HELZ: variants seen among roughly 807,000 people sequenced by gnomAD.
HELZ encodes the protein helicase with zinc finger, also known as ATP-dependent RNA helicase with zinc finger domain.
Under a neutral mutation model 218.2 loss-of-function variants are expected in HELZ, and 23 were observed. That is an observed-to-expected ratio of 0.11 (90% CI 0.08 to 0.15). The LOEUF (loss-of-function observed/expected upper bound fraction) is 0.15, where lower values mean the gene tolerates loss of function less well. HELZ is among the 10% of genes least tolerant of loss of function. The pLI is 1.00. For synonymous variants in HELZ, 814 were observed against 829.4 expected, an observed-to-expected ratio of 0.98 and a Z score of 0.32; for missense variants, 1,813 against 2,353.7, an observed-to-expected ratio of 0.77 and a Z score of 4.75.
intron 31 of HELZ, among the ~76,000 whole-genome samples, chr17:67,105,438 G>A (rs1390040767): frequency 2.0e-5 from 3 of 152,168 alleles, no homozygotes; most frequent in Non-Finnish European, 1.5e-5. Context: ...TAGATTAGTG[G>A]TTACTAATCT....
intron 6 of HELZ, among the ~76,000 whole-genome samples, chr17:67,202,944 T>C (rs902715904): frequency 6.6e-6 from 1 of 151,890 alleles, no homozygotes; most frequent in African/African-American, 2.4e-5. Flanking sequence ...GGCAACATAA[T>C]GAGACCTCGT....
At chr17:67,233,915 G>A (rs1429399243) in intron 3 of HELZ, among the ~76,000 whole-genome samples, 2 of 151,394 alleles carry the variant, frequency 1.3e-5, no homozygotes, top group African/African-American at 2.4e-5. Context: ...GTGTGGTGTC[G>A]GGCACCTGTA....
intron 3 of HELZ, among the ~76,000 whole-genome samples, chr17:67,226,164 G>A (rs1183150821): frequency 6.6e-6 from 1 of 151,350 alleles, no homozygotes; most frequent in South Asian, 2.1e-4. Context: ...GGAGGCTGAG[G>A]CAGGAGATCG....
chr17:67,084,524 G>C (rs527675444), intron 32 of HELZ, among the ~76,000 whole-genome samples: 1 of 151,996 alleles, frequency 6.6e-6, no homozygotes, highest in Non-Finnish European at 1.5e-5. Flanking sequence ...TTAGCCGGGC[G>C]TGGTGGCGGG....
At chr17:67,103,858 C>T (rs2037005745) in intron 31 of HELZ, among the ~76,000 whole-genome samples, 1 of 152,162 alleles carries the variant, frequency 6.6e-6, no homozygotes, top group Non-Finnish European at 1.5e-5. Context: ...TACAATACTA[C>T]AGTGTACAAT....
rs965177190 is a variant in HELZ, at chr17:67,071,907, G to A, written c.*6345C>T. ...TTTTCTGCCATATGTAACACTTCAG[G>A]CTCTCTCTAACACCTGCTGGCATGG... On this transcript the variant is annotated 3_prime_UTR_variant, in exon 33 of 33. Coordinates refer to ENST00000358691, the MANE Select transcript of HELZ (RefSeq NM_014877.4). The A allele has an allele frequency of 1.3e-5, 2 of 152,212 alleles. No homozygotes were observed. The highest frequency in any genetic ancestry group is 2.9e-5 in the Non-Finnish European group (2 of 67,994). 9.4% of individuals were successfully genotyped at this position (152,212 alleles called of 1,614,324 possible). A position where few individuals can be genotyped will look rare whatever the true frequency, so the allele number is the denominator to read the frequency against.
At position 67,107,665 on chromosome 17, in the gene HELZ, T is replaced by C; in HGVS notation, c.4745A>G (p.Glu1582Gly). 4 of 1,613,274 alleles carry C rather than the reference T, an allele frequency of 2.5e-6. No homozygotes were observed. The highest frequency in any genetic ancestry group is 3.4e-6 in the Non-Finnish European group (4 of 1,179,766). ...TYSRFQDLIR[E>G]LSHRDQSETR... ...TTCACTTTGATCACGATGAGACAGT[T>C]CTCTGATTAAGTCTTGAAACCTACA... is the stretch of plus-strand genomic sequence containing the variant. Residue 1582 changes from glutamate to glycine, a missense_variant, in exon 31 of 33, where the codon GAA becomes GGA. By Grantham distance (98) the Glu-to-Gly change is moderately conservative. Transcript: ENST00000358691.
rs2036411150 is a variant in HELZ at position 67,086,916 on chromosome 17, A to C, written c.5407T>G (p.Ser1803Ala). The stretch of plus-strand genomic sequence containing the variant: ...GTAGATGAGGTGGTGTTTACCCAGG[A>C]CTCCGGGGATGAAAAGTTGAAAGAA... ...QSSFNFSSPE[S>A]WVNTTSSTPY... Residue 1803 changes from serine to alanine, a missense_variant, in exon 32 of 33, where the codon TCC (serine) becomes GCC (alanine). Ser to Ala is a moderately conservative substitution (Grantham distance 99). Transcript: ENST00000358691. 6.2e-7 allele frequency: 1 copy of C among 1,612,748 alleles called. No individual in the cohort carries two copies. Among genetic ancestry groups the C allele is most frequent in the Non-Finnish European group, 8.5e-7 (1 of 1,179,684 alleles).
intron 7 of HELZ, among the ~76,000 whole-genome samples, 192 bp from the exon 8 acceptor site, chr17:67,195,662 G>A (rs2040003919): frequency 6.6e-6 from 1 of 151,760 alleles, no homozygotes; most frequent in African/African-American, 2.4e-5. Flanking sequence ...ACATATTTGT[G>A]AGGCTCTCAT....
In HELZ at chr17:67,070,904, G is replaced by A. The variant is rs2035870378; in HGVS notation, c.*7348C>T. ...CCCTCAGGAAGACTTCCCAAAATAA[G>A]ACTCAGTATGAATTTGCTAAGTAAC... On this transcript the variant is annotated 3_prime_UTR_variant, in exon 33 of 33. Transcript: ENST00000358691. 6.6e-6 allele frequency: 1 copy of A among 152,020 alleles called. No individual in the cohort carries two copies. The highest frequency in any genetic ancestry group is 2.4e-5 in the African/African-American group (1 of 41,382). The allele number at this position is 152,020 out of a possible 1,614,324, so 9.4% of individuals were successfully genotyped here.
intron 3 of HELZ, among the ~76,000 whole-genome samples, chr17:67,232,582 C>A (rs1420032387): frequency 6.6e-6 from 1 of 152,182 alleles, no homozygotes; most frequent in Non-Finnish European, 1.5e-5. Context: ...GGAATTAATT[C>A]TCTTTACTCT....
chr17:67,243,196 T>C (rs938862574), intron 2 of HELZ, among the ~76,000 whole-genome samples: 1 of 152,220 alleles, frequency 6.6e-6, no homozygotes, highest in Non-Finnish European at 1.5e-5. Context: ...GATCAGGACA[T>C]AATGACAAAC....
chr17:67,121,602 A>G (rs1483015483), intron 26 of HELZ, among the ~76,000 whole-genome samples: 1 of 152,244 alleles, frequency 6.6e-6, no homozygotes, highest in East Asian at 1.9e-4. Context: ...AACCTTTGGC[A>G]ATGATCATCT....
chr17:67,126,688 A>AACACACACACAC (rs10623703), intron 24 of HELZ, among the ~76,000 whole-genome samples: 1 of 149,854 alleles, frequency 6.7e-6, no homozygotes, highest in African/African-American at 2.5e-5. Flanking sequence ...GTCCTGCTAA[A>AACACACACACAC]ACACACACAC....
rs544117892 is a variant in HELZ at position 67,190,322 on chromosome 17, G to A, written c.591C>T (p.Ala197=). The A allele has an allele frequency of 1.9e-6, 3 of 1,613,550 alleles. No homozygotes were observed. The highest frequency in any genetic ancestry group is 3.3e-4 in the Middle Eastern group (2 of 6,062). The change falls in exon 10 of 33, where the codon GCC becomes GCT. Residue 197 remains alanine (A), a synonymous_variant. Coordinates refer to ENST00000358691, the MANE Select transcript of HELZ (RefSeq NM_014877.4). ...FLEQGICRYG[A]QCTSAHSQEE... is the part of the protein sequence containing the mutation. ...CCTGGGAATGTGCTGAAGTACACTG[G>A]GCACCATACCTACAGATTCCTTGTT...
chr17:67,134,579 C>T (rs916727239), intron 23 of HELZ, among the ~76,000 whole-genome samples: 1 of 151,836 alleles, frequency 6.6e-6, no homozygotes, highest in Non-Finnish European at 1.5e-5. Context: ...TACTTGATTC[C>T]TTTGATGATA....
Position 67,223,014 on chromosome 17 carries a change from G to A in HELZ, c.-18-4192C>T, listed in dbSNP as rs1360108630. 2.6e-5 allele frequency among the ~76,000 whole-genome samples: 4 copies of A among 151,134 alleles called. No individual in the cohort carries two copies. In the South Asian group the frequency reaches 6.3e-4, roughly 24 times the overall value. Reference sequence around the variant, plus strand: ...TGTAATCCCAGCACTTTGGGAGGCCGAGGCGAGTGGATCATGAGGTCAGGA... The same window carrying A: ...TGTAATCCCAGCACTTTGGGAGGCCAAGGCGAGTGGATCATGAGGTCAGGA... On this transcript the variant is annotated intron_variant, in intron 3 of 32. Coordinates refer to ENST00000358691, the MANE Select transcript of HELZ (RefSeq NM_014877.4).
chr17:67,097,669 G>C (rs992254032), intron 31 of HELZ, among the ~76,000 whole-genome samples: 35 of 152,174 alleles, frequency 2.3e-4, no homozygotes, highest in African/African-American at 8.4e-4. Context: ...GAGCTACCTT[G>C]AATCTATCTG....
Position 67,109,133 on chromosome 17 carries a change from G to C in HELZ, c.4472C>G (p.Pro1491Arg). 1 of 1,612,058 alleles carries C rather than the reference G, an allele frequency of 6.2e-7. No homozygotes were observed. Among genetic ancestry groups the C allele is most frequent in the South Asian group, 1.1e-5 (1 of 90,866 alleles). ...GAACTTACCTAAAGCCTCCCCTATA[G>C]GTAATCCCGAGGGGTTCTCATCAAT... ...SFIDENPSGL[P>R]IGEALDRIHG... is the part of the protein sequence containing the mutation. Residue 1491 changes from proline to arginine, a missense_variant, in exon 29 of 33, where the codon CCT (proline) becomes CGT (arginine). Around this residue, in one of 4 missense-constraint regions of HELZ, gnomAD observed 938 missense variants for 1,027.5 expected, o/e 0.91. Transcript: ENST00000358691.
Sources: gnomAD v4.1 joint callset for allele counts (sites outside exome capture counted in the v4.1 genomes callset) on GRCh38, gnomAD v4.1.1 for gene constraint, gnomAD v4.1.1 regional missense constraint, MANE v1.5 for transcripts, NCBI Gene and HGNC (gene_info 2026-07-23, HGNC 2026-07-21) for gene names.